The following CRYZ variants were observed in gnomAD, a reference collection of about 807,000 sequenced individuals.
CRYZ encodes zeta-crystallin.
CRYZ carries 35 observed loss-of-function variants against 34.1 expected under a neutral mutation model. The observed-to-expected ratio is 1.03, with a 90% confidence interval of 0.78 to 1.36. CRYZ has a LOEUF of 1.36. CRYZ is among the 40% of genes most tolerant of loss of function. The pLI, the probability that CRYZ is intolerant of heterozygous loss-of-function variation, is 0.00. For synonymous variants in CRYZ, 137 were observed against 136.5 expected (o/e 1.00, Z -0.03); for missense variants, 403 against 391.8 (o/e 1.03, Z -0.24).
chr1:74,707,438 G>T, intron 6 of CRYZ: 1 of 279,108 alleles, frequency 3.6e-6, no homozygotes. Context: ...TTGCTGTAGT[G>T]AAATAAAGTT....
At chr1:74,718,774 A>G (rs1647111849) in intron 4 of CRYZ, among the ~76,000 whole-genome samples, 1 of 143,146 alleles carries the variant, frequency 7.0e-6, no homozygotes, top group African/African-American at 3.0e-5. Context: ...AGGGCCCAAT[A>G]GTGTACTATT....
chr1:74,709,005 T>C (rs1310896803), intron 6 of CRYZ, among the ~76,000 whole-genome samples: 2 of 152,056 alleles, frequency 1.3e-5, no homozygotes, highest in African/African-American at 4.8e-5. Context: ...CAGCAGACTG[T>C]TAATTAGGAG....
intron 3 of CRYZ, among the ~76,000 whole-genome samples, chr1:74,720,508 T>C (rs1647144862): frequency 6.6e-6 from 1 of 152,174 alleles, no homozygotes; most frequent in African/African-American, 2.4e-5. Context: ...CCACCTACCT[T>C]AACTCCTCCT....
At chr1:74,731,731 T>C (rs1360882170) in intron 1 of CRYZ, among the ~76,000 whole-genome samples, 1 of 152,160 alleles carries the variant, frequency 6.6e-6, no homozygotes, top group Non-Finnish European at 1.5e-5. Context: ...AGACACGTAA[T>C]CACAGTGGCT....
At chr1:74,729,683 T>A (rs114470879) in intron 1 of CRYZ, among the ~76,000 whole-genome samples, 2,107 of 150,882 alleles carry the variant, frequency 0.014, 26 homozygotes, top group East Asian at 0.056. Context: ...AGAGAAGTCA[T>A]TAAAATGTTA....
intron 3 of CRYZ, among the ~76,000 whole-genome samples, chr1:74,721,149 A>G (rs953147634): frequency 6.6e-6 from 1 of 152,218 alleles, no homozygotes; most frequent in Non-Finnish European, 1.5e-5. Flanking sequence ...ATTACCAATG[A>G]GTAAGCAGAC....
chr1:74,717,065 CATAA>C, intron 4 of CRYZ, among the ~76,000 whole-genome samples: 1 of 152,272 alleles, frequency 6.6e-6, no homozygotes, highest in South Asian at 2.1e-4. Context: ...TCTCCCTATC[CATAA>C]ATGTTTCCAT....
chr1:74,717,278 T>C (rs1310627617), intron 4 of CRYZ, among the ~76,000 whole-genome samples: 3 of 152,166 alleles, frequency 2.0e-5, no homozygotes, highest in Admixed American at 2.0e-4. Context: ...CAAGTAACCT[T>C]CTACTCTCTC....
intron 5 of CRYZ, among the ~76,000 whole-genome samples, chr1:74,714,079 G>C (rs914288409): frequency 1.3e-5 from 2 of 151,812 alleles, no homozygotes; most frequent in Non-Finnish European, 2.9e-5. Flanking sequence ...GGCTGTATAC[G>C]TGCACTCCAT....
rs114943069 is a variant in CRYZ at position 74,720,538 on chromosome 1, T to C, written c.265-1166A>G. 1.7e-3 allele frequency among the ~76,000 whole-genome samples: 255 copies of C among 152,284 alleles called. 3 individuals are homozygous for C. Among genetic ancestry groups the C allele is most frequent in the African/African-American group, 5.8e-3 (241 of 41,558 alleles). ...CCTCCTTTTTAGAAAAAAGTAGATATTCCTTAGAATAGGCAAATTATTAAG... is the reference window on the plus strand; with the variant it reads ...CCTCCTTTTTAGAAAAAAGTAGATACTCCTTAGAATAGGCAAATTATTAAG... On this transcript the variant is annotated intron_variant, in intron 3 of 8. Coordinates refer to ENST00000340866, the MANE Select transcript of CRYZ (RefSeq NM_001889.4).
At chr1:74,720,221 A>C (rs978502279) in intron 3 of CRYZ, among the ~76,000 whole-genome samples, 7 of 152,070 alleles carry the variant, frequency 4.6e-5, no homozygotes, top group Admixed American at 6.6e-5. Context: ...CCTACTCTAA[A>C]TCCCATCCAT....
intron 4 of CRYZ, among the ~76,000 whole-genome samples, chr1:74,718,521 A>G (rs1647107400): frequency 6.6e-6 from 1 of 152,120 alleles, no homozygotes; most frequent in Admixed American, 6.6e-5. Flanking sequence ...CTCTGTTCCA[A>G]CTTTATTCTT....
chr1:74,720,334 T>C (rs1647142056), intron 3 of CRYZ, among the ~76,000 whole-genome samples: 1 of 152,106 alleles, frequency 6.6e-6, no homozygotes, highest in Non-Finnish European at 1.5e-5. Flanking sequence ...ACAGCCTTCT[T>C]CTTGTCACGG....
At chr1:74,707,023 TA>T (rs1557720006) in intron 7 of CRYZ, 29 bp from the exon 8 acceptor site, 1 of 1,586,446 alleles carries the variant, frequency 6.3e-7, no homozygotes, top group Admixed American at 1.7e-5. Flanking sequence ...ATTCTACAGT[TA>T]AAGATTACTG....
intron 2 of CRYZ, among the ~76,000 whole-genome samples, chr1:74,724,435 T>C (rs569318224): frequency 2.6e-5 from 4 of 152,334 alleles, no homozygotes; most frequent in Admixed American, 1.3e-4. Flanking sequence ...AAACTCCTTA[T>C]GTGTCCATTC....
At chr1:74,710,538 A>G (rs903636475) in intron 5 of CRYZ, among the ~76,000 whole-genome samples, 10 of 152,230 alleles carry the variant, frequency 6.6e-5, no homozygotes. Flanking sequence ...GCTTCAAATT[A>G]TAAGTAATTT....
Position 74,710,234 on chromosome 1 carries a change from G to A in CRYZ, c.494C>T (p.Ala165Val). ...HGASGGVGLA[A>V]CQIARAYGLK... The stretch of plus-strand genomic sequence containing the variant: ...GCCATAAGCTCTAGCAATTTGGCAT[G>A]CTGCTAATCCAACCTGAAAAACAAA... The change falls in exon 6 of 9, where the codon GCA (alanine) becomes GTA (valine). Residue 165 changes from alanine (A) to valine (V), a missense_variant. Ala to Val is a moderately conservative substitution (Grantham distance 64, BLOSUM62 0). Transcript: ENST00000340866. The A allele has an allele frequency of 6.2e-7, 1 of 1,613,620 alleles. No individual in the cohort carries two copies. The highest frequency in any genetic ancestry group is 8.5e-7 in the Non-Finnish European group (1 of 1,179,770).
rs369363906 is a variant in CRYZ, at chr1:74,707,212, A to G, written c.631-8T>C. 42 of 1,425,352 alleles carry G rather than the reference A, an allele frequency of 2.9e-5. No homozygotes were observed. In the African/African-American group the frequency reaches 4.9e-4, roughly 17 times the overall value. 88.3% of individuals were successfully genotyped at this position (1,425,352 alleles called of 1,614,324 possible). On this transcript the variant is annotated splice_region_variant and splice_polypyrimidine_tract_variant and intron_variant, in intron 6 of 8. Transcript: ENST00000340866. Reference sequence around the variant, plus strand: ...TTTCTCACCAACATACTTCTATATAATAAAAGAGAAATGTAGAGTAAGATA... The same window carrying G: ...TTTCTCACCAACATACTTCTATATAGTAAAAGAGAAATGTAGAGTAAGATA...
rs765370158 is a variant in CRYZ, at chr1:74,723,194, G to A, written c.188C>T (p.Pro63Leu). The change falls in exon 3 of 9, where the codon CCA becomes CTA. Residue 63 changes from proline to leucine, a missense_variant. By Grantham distance (98) the Pro-to-Leu change is moderately conservative (BLOSUM62 -3). Coordinates refer to ENST00000340866, the MANE Select transcript of CRYZ (RefSeq NM_001889.4). The stretch of plus-strand genomic sequence containing the variant: ...TGAGCCAGGAGTATAGGGTAAGAGT[G>A]GTTTTCTACTATAAGTACCAGAGCG... Reference protein sequence around the residue: ...YIRSGTYSRKPLLPYTPGSDV... With the variant: ...YIRSGTYSRKLLLPYTPGSDV... The A allele has an allele frequency of 1.9e-6, 3 of 1,613,788 alleles. No individual in the cohort carries two copies. Among genetic ancestry groups the A allele is most frequent in the African/African-American group, 2.7e-5 (2 of 74,922 alleles).
Sources: allele counts gnomAD v4.1 joint callset (sites outside exome capture counted in the v4.1 genomes callset), GRCh38; gene constraint gnomAD v4.1.1; transcripts MANE v1.5; gene names NCBI Gene and HGNC (gene_info 2026-07-23, HGNC 2026-07-21).